Variants in PDE12 observed in about 807,000 individuals in gnomAD.
PDE12 encodes 2',5'-phosphodiesterase 12.
A neutral mutation model predicts 45.4 loss-of-function variants in PDE12; 26 were observed. That is an observed-to-expected ratio of 0.57 (90% CI 0.42 to 0.79). PDE12 has a LOEUF of 0.79. PDE12 is among the 30% of genes least tolerant of loss of function. The pLI, the probability that PDE12 is intolerant of heterozygous loss-of-function variation, is 0.00. For missense variants in PDE12, 668 were observed against 790.0 expected (o/e 0.85, Z 1.85); for synonymous variants, 283 against 323.9 (o/e 0.87, Z 1.36).
chr3:57,646,183 G>A, the PDE12 span: 1 of 1,276,988 alleles, frequency 7.8e-7, no homozygotes, highest in Non-Finnish European at 1.1e-6. Flanking sequence ...TTCTGATAGG[G>A]TTTTTGCATG....
the PDE12 span, among the ~76,000 whole-genome samples, chr3:57,618,428 T>C: frequency 6.6e-6 from 1 of 151,980 alleles, no homozygotes; most frequent in Non-Finnish European, 1.5e-5. Flanking sequence ...TTTTGTTTGT[T>C]TGTTTGTTTT....
chr3:57,629,788 C>CT, the PDE12 span, among the ~76,000 whole-genome samples: 1 of 151,842 alleles, frequency 6.6e-6, no homozygotes, highest in African/African-American at 2.4e-5. Flanking sequence ...TCCCAAAGTG[C>CT]TGGGATTACA....
chr3:57,634,855 T>C, the PDE12 span: 2 of 1,098,802 alleles, frequency 1.8e-6, no homozygotes, highest in Non-Finnish European at 2.5e-6. Flanking sequence ...ATAATCTGTT[T>C]ATTACTTAAG....
At chr3:57,580,799 G>C in the PDE12 span, among the ~76,000 whole-genome samples, 1 of 144,900 alleles carries the variant, frequency 6.9e-6, no homozygotes, top group Non-Finnish European at 1.5e-5. Flanking sequence ...TAAATGTAAA[G>C]ACAGGGTCTC....
At chr3:57,569,794 T>C (rs2069818438), downstream of PDE12, among the ~76,000 whole-genome samples, 1 of 125,750 alleles carries the variant, frequency 8.0e-6, no homozygotes, top group Non-Finnish European at 1.6e-5. Flanking sequence ...ATCCTGCCAC[T>C]GGACTCCAGC....
At position 57,561,969 on chromosome 3, in the gene PDE12, T is replaced by TA; in HGVS notation, c.*1968dup. On this transcript the variant is annotated 3_prime_UTR_variant, in exon 3 of 3. Transcript: ENST00000311180. ...TTGATGCTACCAAATTGTGCCTTCCTAAATAACATTTTTGAGAGCATTTTA... is the reference window on the plus strand; with the variant it reads ...TTGATGCTACCAAATTGTGCCTTCCTAAAATAACATTTTTGAGAGCATTTTA... The TA allele has an allele frequency of 1.0e-6, 1 of 984,582 alleles. No homozygotes were observed. Among genetic ancestry groups the TA allele is most frequent in the Non-Finnish European group, 1.2e-6 (1 of 829,116 alleles). The allele number at this position is 984,582 out of a possible 1,614,324, so 61.0% of individuals were successfully genotyped here.
Position 57,559,232 on chromosome 3 carries a change from A to C in PDE12, c.1309-78A>C, listed in dbSNP as rs112401208. ...TGAGACTGTCTCGAAAAAACTCAAA[A>C]AAACAAACAAACAAACAAAAACATT... On this transcript the variant is annotated intron_variant, in intron 1 of 2. Transcript: ENST00000311180. 1.8e-3 allele frequency: 2,246 copies of C among 1,277,426 alleles called. 4 individuals carry two copies. Among genetic ancestry groups the C allele is most frequent in the South Asian group, 4.4e-3 (355 of 80,852 alleles). The allele number at this position is 1,277,426 out of a possible 1,614,324, so 79.1% of individuals were successfully genotyped here.
At chr3:57,590,902 G>A in the PDE12 span, among the ~76,000 whole-genome samples, 2 of 152,184 alleles carry the variant, frequency 1.3e-5, no homozygotes, top group Middle Eastern at 3.4e-3. Context: ...CCCAGGCTGC[G>A]TAATAGTTTA....
the PDE12 span, among the ~76,000 whole-genome samples, chr3:57,574,340 AAGTTTC>A: frequency 7.9e-5 from 12 of 152,116 alleles, no homozygotes; most frequent in Non-Finnish European, 1.5e-4. Context: ...CTATGACACT[AAGTTTC>A]TGATAATTTA....
chr3:57,629,529 T>A, the PDE12 span, among the ~76,000 whole-genome samples: 1 of 127,608 alleles, frequency 7.8e-6, no homozygotes, highest in African/African-American at 2.8e-5. Context: ...TTTTTTTTTT[T>A]GAGACGGAGT....
chr3:57,573,933 G>T, the PDE12 span, among the ~76,000 whole-genome samples: 30 of 146,546 alleles, frequency 2.0e-4, no homozygotes, highest in Middle Eastern at 3.9e-3. Context: ...GCAATAGGTT[G>T]TTTTTTTTTG....
the PDE12 span, chr3:57,584,301 C>T: frequency 1.6e-6 from 2 of 1,249,364 alleles, no homozygotes; most frequent in Non-Finnish European, 2.3e-6. Flanking sequence ...ACATGCTTAA[C>T]AAAAAGACAA....
chr3:57,628,698 C>A, the PDE12 span: 1 of 1,079,140 alleles, frequency 9.3e-7, no homozygotes, highest in Admixed American at 2.5e-5. Flanking sequence ...CAATTTCAAG[C>A]CCTCTCATTT....
chr3:57,629,226 G>C, the PDE12 span, among the ~76,000 whole-genome samples: 1 of 152,304 alleles, frequency 6.6e-6, no homozygotes, highest in Admixed American at 6.5e-5. Context: ...AGGAACATTA[G>C]TTAACAAATC....
At chr3:57,596,549 T>C in the PDE12 span, 1 of 152,916 alleles carries the variant, frequency 6.5e-6, no homozygotes, top group East Asian at 1.9e-4. Flanking sequence ...CCTTGGGTGC[T>C]CCCTGGCCAC....
the PDE12 span, among the ~76,000 whole-genome samples, chr3:57,598,611 C>T: frequency 6.6e-6 from 1 of 152,094 alleles, no homozygotes; most frequent in Non-Finnish European, 1.5e-5. Flanking sequence ...GAAACCCAGT[C>T]TCTACTAAAA....
the PDE12 span, chr3:57,575,825 T>C: frequency 3.6e-6 from 3 of 834,518 alleles, no homozygotes; most frequent in East Asian, 6.0e-5. Context: ...TGAAGTCTCA[T>C]ATCCTTCAGT....
At chr3:57,646,568 AC>A in the PDE12 span, 1 of 1,286,194 alleles carries the variant, frequency 7.8e-7, no homozygotes, top group South Asian at 1.7e-5. Flanking sequence ...GATCTGATAC[AC>A]AAATTCATTT....
chr3:57,605,957 G>T, the PDE12 span, among the ~76,000 whole-genome samples: 1 of 152,026 alleles, frequency 6.6e-6, no homozygotes, highest in African/African-American at 2.4e-5. Flanking sequence ...AAACAGAAAA[G>T]AGTCAAAAAG....
Sources: allele counts gnomAD v4.1 joint callset (sites outside exome capture counted in the v4.1 genomes callset), GRCh38; gene constraint gnomAD v4.1.1; transcripts MANE v1.5; gene names NCBI Gene and HGNC (gene_info 2026-07-23, HGNC 2026-07-21).